Variants in ERC2 observed in about 807,000 individuals in gnomAD.
The protein encoded by ERC2 is ERC protein 2.
In ERC2, 42 loss-of-function variants were observed where a neutral mutation model predicts 114.8. That is an observed-to-expected ratio of 0.37 (90% CI 0.29 to 0.47). ERC2 has a LOEUF of 0.47. ERC2 is among the 20% of genes least tolerant of loss of function. The pLI is 0.99. For synonymous variants in ERC2, 454 were observed against 425.5 expected (o/e 1.07, Z -0.82); for missense variants, 939 against 1,150.7 (o/e 0.82, Z 2.66).
chr3:56,463,855 A>G (rs2063425770), intron 1 of ERC2, among the ~76,000 whole-genome samples: 1 of 152,220 alleles, frequency 6.6e-6, no homozygotes, highest in African/African-American at 2.4e-5. Flanking sequence ...ATTCCTAATG[A>G]TAAGTTTCAT....
chr3:55,819,922 G>A (rs1210801723), intron 14 of ERC2, among the ~76,000 whole-genome samples: 9 of 152,210 alleles, frequency 5.9e-5, no homozygotes, highest in African/African-American at 9.6e-5. Context: ...ACTTGCAGGT[G>A]CATTTTGGCT....
At chr3:56,230,351 T>TAATTTCA in intron 3 of ERC2, among the ~76,000 whole-genome samples, 1 of 152,316 alleles carries the variant, frequency 6.6e-6, no homozygotes, top group Middle Eastern at 3.4e-3. Flanking sequence ...TTTGAAAAGG[T>TAATTTCA]GATAAAGCCA....
chr3:55,959,562 C>T (rs2068215553), intron 12 of ERC2, among the ~76,000 whole-genome samples: 1 of 152,198 alleles, frequency 6.6e-6, no homozygotes, highest in Non-Finnish European at 1.5e-5. Context: ...CAATGTTGAA[C>T]CCACAGGCAT....
At chr3:56,250,816 T>C (rs1269931608) in intron 3 of ERC2, among the ~76,000 whole-genome samples, 1 of 152,218 alleles carries the variant, frequency 6.6e-6, no homozygotes, top group Non-Finnish European at 1.5e-5. Context: ...ATGTGTGAAA[T>C]TCCATGAACT....
At chr3:55,888,301 CT>C in intron 14 of ERC2, 87 bp downstream of exon 14, 1 of 1,433,020 alleles carries the variant, frequency 7.0e-7, no homozygotes, top group Non-Finnish European at 9.4e-7. Context: ...TTTCTGAGCT[CT>C]TTCTTCATCT....
At chr3:56,308,651 A>T (rs1018722519) in intron 2 of ERC2, among the ~76,000 whole-genome samples, 2 of 152,204 alleles carry the variant, frequency 1.3e-5, no homozygotes, top group African/African-American at 2.4e-5. Flanking sequence ...AAACTGTGTG[A>T]CCTTAAGCTC....
chr3:55,737,597 G>A (rs140740840), intron 14 of ERC2, among the ~76,000 whole-genome samples: 6 of 152,254 alleles, frequency 3.9e-5, no homozygotes, highest in East Asian at 3.9e-4. Context: ...CTAAAGGACC[G>A]ATATTAGGAA....
rs539099100 is a variant in ERC2 at position 55,667,704 on chromosome 3, C to G, written c.*39+16090G>C. Among the ~76,000 whole-genome samples the G allele has an allele frequency of 3.9e-5, 6 of 152,360 alleles. No individual in the cohort carries two copies. In the South Asian group the frequency reaches 1.0e-3, roughly 26 times the overall value. ...TAGTGCCTGGCCATACACTAACTCA[C>G]TTTGCCCCCCAACAAATCCAGGAGG... On this transcript the variant is annotated intron_variant, in intron 17 of 17. Transcript: ENST00000288221.
chr3:55,985,938 G>A (rs1182906541), intron 12 of ERC2, 39 bp downstream of exon 12: 2 of 1,530,850 alleles, frequency 1.3e-6, no homozygotes, highest in Non-Finnish European at 1.8e-6. Flanking sequence ...TTGAGCTTAG[G>A]AGGGAAAGGC....
intron 2 of ERC2, among the ~76,000 whole-genome samples, chr3:56,310,579 T>A (rs1320166776): frequency 2.0e-5 from 3 of 151,892 alleles, no homozygotes; most frequent in Non-Finnish European, 4.4e-5. Flanking sequence ...CTGAGCTGCC[T>A]GGGTTCATCA....
intron 2 of ERC2, among the ~76,000 whole-genome samples, chr3:56,384,431 C>A (rs572817995): frequency 2.0e-5 from 3 of 151,948 alleles, no homozygotes; most frequent in African/African-American, 7.2e-5. Context: ...GGTTTTGATT[C>A]GCATTTTTCT....
intron 3 of ERC2, among the ~76,000 whole-genome samples, chr3:56,259,697 A>G (rs2052785240): frequency 6.6e-6 from 1 of 152,116 alleles, no homozygotes; most frequent in African/African-American, 2.4e-5. Flanking sequence ...ATGATATATG[A>G]TTCTGAAAAC....
At chr3:56,090,453 T>C (rs1187756982) in intron 6 of ERC2, among the ~76,000 whole-genome samples, 1 of 152,196 alleles carries the variant, frequency 6.6e-6, no homozygotes, top group Non-Finnish European at 1.5e-5. Flanking sequence ...CAGTCAGGTT[T>C]GTGATTTATT....
chr3:56,311,866 T>G (rs906840080), intron 2 of ERC2, among the ~76,000 whole-genome samples: 2 of 150,962 alleles, frequency 1.3e-5, no homozygotes, highest in Non-Finnish European at 3.0e-5. Flanking sequence ...TGTATAAAAT[T>G]ATATACAATT....
intron 3 of ERC2, among the ~76,000 whole-genome samples, chr3:56,275,505 G>T (rs2053930641): frequency 6.6e-6 from 1 of 152,222 alleles, no homozygotes; most frequent in African/African-American, 2.4e-5. Flanking sequence ...CTTGCCAGAG[G>T]TCACATAGCT....
rs368748310 is a variant in ERC2, at chr3:56,090,622, T to C, written c.1474-9638A>G. Among the ~76,000 whole-genome samples, 23 of 152,030 alleles carry C rather than the reference T, an allele frequency of 1.5e-4. No individual in the cohort carries two copies. The East Asian group carries it at 2.7e-3, about 18-fold the overall frequency. ...AAATAAAAGCCTTGTAATACTAAAT[T>C]CAAATTGGAAATATTATGAATACAT... On this transcript the variant is annotated intron_variant, in intron 6 of 17. Transcript: ENST00000288221.
At chr3:56,357,823 T>C (rs1173443660) in intron 2 of ERC2, among the ~76,000 whole-genome samples, 1 of 149,908 alleles carries the variant, frequency 6.7e-6, no homozygotes, top group Non-Finnish European at 1.5e-5. Context: ...AAAGTCTAAA[T>C]AAATACTGCA....
intron 3 of ERC2, among the ~76,000 whole-genome samples, chr3:56,253,251 C>T (rs934365779): frequency 6.6e-6 from 1 of 152,140 alleles, no homozygotes; most frequent in Non-Finnish European, 1.5e-5. Flanking sequence ...TACAAGTAAT[C>T]CCAGCTTGGT....
chr3:56,325,709 G>A (rs1242788791), intron 2 of ERC2, among the ~76,000 whole-genome samples: 2 of 152,116 alleles, frequency 1.3e-5, no homozygotes, highest in Non-Finnish European at 2.9e-5. Flanking sequence ...TACTTACCCT[G>A]CACTGAGCCC....
Sources: allele counts gnomAD v4.1 joint callset (sites outside exome capture counted in the v4.1 genomes callset), GRCh38; gene constraint gnomAD v4.1.1; transcripts MANE v1.5; gene names NCBI Gene and HGNC (gene_info 2026-07-23, HGNC 2026-07-21).